Variants in EPHA3 observed in about 807,000 individuals in gnomAD.
EPHA3 encodes ephrin type-A receptor 3.
In EPHA3, 42 loss-of-function variants were observed where a neutral mutation model predicts 107.1. The ratio of observed to expected loss-of-function variants is 0.39; its 90% CI spans 0.31 to 0.51. The LOEUF (loss-of-function observed/expected upper bound fraction) is 0.51. EPHA3 is among the 20% of genes least tolerant of loss of function. The pLI, the probability that EPHA3 is intolerant of heterozygous loss-of-function variation, is 0.78. For synonymous variants in EPHA3, 461 were observed against 424.8 expected, an observed-to-expected ratio of 1.09 and a Z score of -1.05; for missense variants, 1,183 against 1,211.2, an observed-to-expected ratio of 0.98 and a Z score of 0.35.
chr3:89,439,677 A>C (rs1465754195), intron 13 of EPHA3, among the ~76,000 whole-genome samples: 1 of 151,828 alleles, frequency 6.6e-6, no homozygotes, highest in Non-Finnish European at 1.5e-5. Flanking sequence ...AAAATTTGAC[A>C]TTTAAAACCT....
chr3:89,333,807 G>A (rs1405127327), intron 3 of EPHA3, among the ~76,000 whole-genome samples: 1 of 151,958 alleles, frequency 6.6e-6, no homozygotes, highest in Admixed American at 6.6e-5. Context: ...AGGAGGCAGA[G>A]CTTGCAGCAA....
At chr3:89,397,860 G>A (rs369615069) in intron 6 of EPHA3, among the ~76,000 whole-genome samples, 6 of 152,278 alleles carry the variant, frequency 3.9e-5, no homozygotes, top group African/African-American at 9.6e-5. Context: ...TGGGATTACA[G>A]GCGTGAGCCA....
chr3:89,182,891 A>G (rs758148008), intron 2 of EPHA3, among the ~76,000 whole-genome samples: 11 of 151,958 alleles, frequency 7.2e-5, no homozygotes, highest in Non-Finnish European at 1.0e-4. Flanking sequence ...ATCACATGGT[A>G]TATATTACAT....
chr3:89,108,835 C>T (rs1707033142), intron 1 of EPHA3, among the ~76,000 whole-genome samples: 2 of 152,200 alleles, frequency 1.3e-5, no homozygotes. Context: ...TGTAAAGCCA[C>T]ACTTACAACA....
chr3:89,225,089 G>A (rs2107214144), intron 3 of EPHA3, among the ~76,000 whole-genome samples: 1 of 152,170 alleles, frequency 6.6e-6, no homozygotes, highest in African/African-American at 2.4e-5. Flanking sequence ...TTATTTACAA[G>A]TGAAATTATC....
At chr3:89,264,278 G>A (rs1356804333) in intron 3 of EPHA3, among the ~76,000 whole-genome samples, 1 of 152,056 alleles carries the variant, frequency 6.6e-6, no homozygotes, top group Non-Finnish European at 1.5e-5. Context: ...TTCTCATAGC[G>A]GGAAACTGGA....
chr3:89,469,334 G>A (rs1167452454), intron 15 of EPHA3, among the ~76,000 whole-genome samples: 1 of 152,062 alleles, frequency 6.6e-6, no homozygotes, highest in Non-Finnish European at 1.5e-5. Flanking sequence ...CAGAACCAAT[G>A]TTGCAATTTT....
chr3:89,187,765 C>T (rs938892905), intron 2 of EPHA3, among the ~76,000 whole-genome samples: 4 of 152,064 alleles, frequency 2.6e-5, no homozygotes, highest in Admixed American at 6.6e-5. Context: ...AGCCTTGTCA[C>T]CATAAACACT....
chr3:89,449,777 G>A (rs1709950866), intron 14 of EPHA3, among the ~76,000 whole-genome samples: 1 of 151,966 alleles, frequency 6.6e-6, no homozygotes, highest in Non-Finnish European at 1.5e-5. Context: ...AATTTGGAAG[G>A]CACCATTTGA....
chr3:89,329,554 G>T (rs1164608059), intron 3 of EPHA3, among the ~76,000 whole-genome samples: 2 of 151,862 alleles, frequency 1.3e-5, no homozygotes, highest in African/African-American at 4.8e-5. Flanking sequence ...CAGGAAGAGA[G>T]AATTTCTTCC....
At chr3:89,219,693 T>TG (rs1704312702) in intron 3 of EPHA3, among the ~76,000 whole-genome samples, 1 of 11,828 alleles carries the variant, frequency 8.5e-5, no homozygotes, top group Non-Finnish European at 1.5e-4. Flanking sequence ...GCAATGTTTT[T>TG]TTTTTTTTTG....
chr3:89,227,746 A>C (rs1704533626), intron 3 of EPHA3, among the ~76,000 whole-genome samples: 1 of 151,964 alleles, frequency 6.6e-6, no homozygotes, highest in Non-Finnish European at 1.5e-5. Context: ...TAAATTCACT[A>C]TAATAATTCA....
intron 1 of EPHA3, among the ~76,000 whole-genome samples, chr3:89,108,125 G>A (rs1707017345): frequency 6.6e-6 from 1 of 152,108 alleles, no homozygotes; most frequent in Non-Finnish European, 1.5e-5. Context: ...ATCCTCCAGC[G>A]TTGCAACCCA....
chr3:89,337,086 C>A (rs1446971254), intron 3 of EPHA3, among the ~76,000 whole-genome samples: 41 of 149,728 alleles, frequency 2.7e-4, no homozygotes, highest in Middle Eastern at 6.9e-3. Flanking sequence ...AAAAGAAAAA[C>A]AAAAATCCTA....
intron 8 of EPHA3, 103 bp downstream of exon 8, chr3:89,407,474 C>A: frequency 1.1e-6 from 1 of 904,512 alleles, no homozygotes; most frequent in Non-Finnish European, 1.7e-6. Context: ...AATATTTTAA[C>A]AAATAAGAAT....
chr3:89,367,592 A>C (rs1398116632), intron 5 of EPHA3, among the ~76,000 whole-genome samples: 1 of 150,774 alleles, frequency 6.6e-6, no homozygotes, highest in Non-Finnish European at 1.5e-5. Flanking sequence ...AAAACAAAAA[A>C]AAACTTCTTA....
chr3:89,260,315 C>G (rs1705384729), intron 3 of EPHA3, among the ~76,000 whole-genome samples: 1 of 152,172 alleles, frequency 6.6e-6, no homozygotes. Flanking sequence ...TACTGGGGTT[C>G]TCTTTTCTCC....
At chr3:89,240,997 A>G (rs1049984300) in intron 3 of EPHA3, among the ~76,000 whole-genome samples, 1 of 152,084 alleles carries the variant, frequency 6.6e-6, no homozygotes, top group African/African-American at 2.4e-5. Context: ...TACTTTATAA[A>G]CGTATAATTT....
chr3:89,224,636 G>T (rs1207314323), intron 3 of EPHA3, among the ~76,000 whole-genome samples: 2 of 152,006 alleles, frequency 1.3e-5, no homozygotes, highest in African/African-American at 4.8e-5. Context: ...ATCACTTGAG[G>T]TCAGGAGTTC....
Sources: gnomAD v4.1 joint callset for allele counts (sites outside exome capture counted in the v4.1 genomes callset) on GRCh38, gnomAD v4.1.1 for gene constraint, MANE v1.5 for transcripts, NCBI Gene and HGNC (gene_info 2026-07-23, HGNC 2026-07-21) for gene names.